The following ZNF462 variants were observed in gnomAD, a reference collection of about 807,000 sequenced individuals.
ZNF462 encodes the protein zinc finger PBX1-interacting protein.
In ZNF462, 10 loss-of-function variants were observed where a neutral mutation model predicts 201.9. The observed-to-expected ratio is 0.05, with a 90% CI of 0.03 to 0.08. The LOEUF (loss-of-function observed/expected upper bound fraction) is 0.08, where lower values mean the gene tolerates loss of function less well. ZNF462 is among the 10% of genes least tolerant of loss of function. ZNF462 has a pLI of 1.00. For missense variants in ZNF462, 2,523 were observed against 3,168.3 expected, an observed-to-expected ratio of 0.80 and a Z score of 4.89; for synonymous variants, 1,227 against 1,193.3, an observed-to-expected ratio of 1.03 and a Z score of -0.58.
intron 7 of ZNF462, among the ~76,000 whole-genome samples, chr9:106,951,996 TA>T (rs919904309): frequency 6.6e-6 from 1 of 152,094 alleles, no homozygotes; most frequent in African/African-American, 2.4e-5. Flanking sequence ...TAGTGAACAT[TA>T]GGGGCAAATG....
At chr9:107,001,007 C>G (rs1206010551) in intron 10 of ZNF462, among the ~76,000 whole-genome samples, 1 of 152,090 alleles carries the variant, frequency 6.6e-6, no homozygotes, top group East Asian at 1.9e-4. Context: ...GAGGATTCTT[C>G]TTTGGTCTCC....
chr9:106,901,192 G>A (rs1829050334), intron 1 of ZNF462, among the ~76,000 whole-genome samples: 1 of 152,064 alleles, frequency 6.6e-6, no homozygotes, highest in African/African-American at 2.4e-5. Context: ...CCCACTTTAT[G>A]TTTTTGTTTG....
chr9:106,909,913 ATTTTGTTTTGCTTTG>A (rs1829471143), intron 1 of ZNF462, among the ~76,000 whole-genome samples: 1 of 152,084 alleles, frequency 6.6e-6, no homozygotes, highest in Non-Finnish European at 1.5e-5. Context: ...ATTTAAGCAT[ATTTTGTTTTGCTTTG>A]TTTTGTTTTG....
At chr9:106,862,540 T>G (rs1827102001), upstream of ZNF462, among the ~76,000 whole-genome samples, 1 of 146,646 alleles carries the variant, frequency 6.8e-6, no homozygotes, top group Non-Finnish European at 1.5e-5. The surrounding 1 kb of genome is among the most constrained non-coding windows in gnomAD (Gnocchi z 4.2). Context: ...CTCCTTCTCC[T>G]TTGCCTCCTT....
chr9:106,879,648 A>G (rs1011949950), intron 1 of ZNF462, among the ~76,000 whole-genome samples: 4 of 152,092 alleles, frequency 2.6e-5, no homozygotes, highest in African/African-American at 9.7e-5. Flanking sequence ...AAAGCCTGCA[A>G]TCATCTCGGA....
intron 1 of ZNF462, among the ~76,000 whole-genome samples, chr9:106,873,270 C>T (rs944659088): frequency 6.6e-6 from 1 of 152,012 alleles, no homozygotes; most frequent in African/African-American, 2.4e-5. Flanking sequence ...TTAAGAGCGC[C>T]CTTTTCTGAA....
rs1371615946 is a variant in ZNF462 at position 106,933,382 on chromosome 9, C to T, written c.6116+833C>T. On this transcript the variant is annotated intron_variant, in intron 5 of 12. Coordinates refer to ENST00000277225, the MANE Select transcript of ZNF462 (RefSeq NM_021224.6). This position sits in a 1 kb window ranked among gnomAD's most constrained non-coding sequence, Gnocchi z 4.3. The stretch of plus-strand genomic sequence containing the variant: ...CAGAGGTTAGGATGGGTTGTAAACA[C>T]TTTATTATTATACAGAGCCTAATAT... Among the ~76,000 whole-genome samples, 1 of 152,090 alleles carries T rather than the reference C, an allele frequency of 6.6e-6. No homozygotes were observed. The highest frequency in any genetic ancestry group is 1.9e-4 in the East Asian group (1 of 5,196).
intron 1 of ZNF462, among the ~76,000 whole-genome samples, chr9:106,877,258 T>C (rs1198548855): frequency 7.3e-5 from 11 of 150,578 alleles, no homozygotes; most frequent in Admixed American, 7.3e-4. Flanking sequence ...GGTAAAACCA[T>C]ATAGTGATTT....
In ZNF462 at chr9:106,928,117, T is replaced by C. The variant is rs188262855; in HGVS notation, c.4205T>C (p.Val1402Ala). 2.0e-5 allele frequency: 32 copies of C among 1,614,178 alleles called. No individual in the cohort carries two copies. In the Admixed American group the frequency reaches 5.2e-4, roughly 26 times the overall value. The change falls in exon 3 of 13, where the codon GTG (valine) becomes GCG (alanine). Residue 1402 changes from valine (V) to alanine (A), a missense_variant. By Grantham distance (64) the Val-to-Ala change is moderately conservative (BLOSUM62 0). Transcript: ENST00000277225. This position sits in a 1 kb window ranked among gnomAD's most constrained non-coding sequence, Gnocchi z 9.3. ...TGGGCCATGAATGGTGATGAGTCAGTGCTACTGGACATCATCAAGGAGAAA... is the reference window on the plus strand; with the variant it reads ...TGGGCCATGAATGGTGATGAGTCAGCGCTACTGGACATCATCAAGGAGAAA... ...HPWAMNGDES[V>A]LLDIIKEKDA...
At chr9:106,942,883 C>G (rs1365082959) in intron 7 of ZNF462, among the ~76,000 whole-genome samples, 1 of 152,130 alleles carries the variant, frequency 6.6e-6, no homozygotes, top group Admixed American at 6.5e-5. Context: ...TTTCCTCCCT[C>G]TAGTTTCTCC....
rs537817497 is a variant in ZNF462, at chr9:106,935,989, A to G, written c.6235+368A>G. Among the ~76,000 whole-genome samples the G allele has an allele frequency of 8.3e-4, 126 of 152,346 alleles. No homozygotes were observed. The highest frequency in any genetic ancestry group is 2.9e-3 in the African/African-American group (121 of 41,572). On this transcript the variant is annotated intron_variant, in intron 6 of 12. Transcript: ENST00000277225. This position sits in a 1 kb window ranked among gnomAD's most constrained non-coding sequence, Gnocchi z 4.1. ...ATTAAAAAGACTTTCCAGCTAAAAT[A>G]AAGTTACCAACTTAAGGAAGTTAGA...
chr9:107,008,492 A>G lies in ZNF462; in HGVS notation c.7190-1053A>G, dbSNP rs1829717291. Among the ~76,000 whole-genome samples, 1 of 152,156 alleles carries G rather than the reference A, an allele frequency of 6.6e-6. No homozygotes were observed. The highest frequency in any genetic ancestry group is 1.5e-5 in the Non-Finnish European group (1 of 68,040). On this transcript the variant is annotated intron_variant, in intron 11 of 12. Coordinates refer to ENST00000277225, the MANE Select transcript of ZNF462 (RefSeq NM_021224.6). The surrounding 1 kb of genome is among the most constrained non-coding windows in gnomAD (Gnocchi z 4.8). ...CTGTAATGTCTTGTATGTGTGGACC[A>G]GAGTGATCAGAGTGTAAAGATGATC...
At chr9:106,861,252 G>A (rs938630558), upstream of ZNF462, among the ~76,000 whole-genome samples, 9 of 152,024 alleles carry the variant, frequency 5.9e-5, no homozygotes, top group Non-Finnish European at 1.2e-4. Flanking sequence ...GAAAATCTTG[G>A]AAAATGAGGA....
At chr9:106,918,067 G>A (rs1434059375) in intron 1 of ZNF462, among the ~76,000 whole-genome samples, 1 of 151,814 alleles carries the variant, frequency 6.6e-6, no homozygotes, top group Non-Finnish European at 1.5e-5. Context: ...AGTAGAAACA[G>A]GGTTTCACCA....
Position 106,981,754 on chromosome 9 carries a change from A to G in ZNF462, c.6833-2432A>G, listed in dbSNP as rs1252498290. On this transcript the variant is annotated intron_variant, in intron 9 of 12. Coordinates refer to ENST00000277225, the MANE Select transcript of ZNF462 (RefSeq NM_021224.6). The surrounding 1 kb of genome is among the most constrained non-coding windows in gnomAD (Gnocchi z 4.0). ...AGAGGAATTGAAAAGGAGGCTCATA[A>G]AAAAGTTTGAAAGAACTGATTATTA... Among the ~76,000 whole-genome samples the G allele has an allele frequency of 6.6e-6, 1 of 152,212 alleles. No homozygotes were observed. The highest frequency in any genetic ancestry group is 2.4e-5 in the African/African-American group (1 of 41,450).
intron 7 of ZNF462, among the ~76,000 whole-genome samples, chr9:106,959,668 G>A (rs1421962287): frequency 6.6e-6 from 1 of 152,090 alleles, no homozygotes; most frequent in Non-Finnish European, 1.5e-5. Flanking sequence ...CTGTTTTCCA[G>A]TTGTTGCTGG....
Position 106,938,925 on chromosome 9 carries a change from C to A in ZNF462, c.6245C>A (p.Ala2082Asp). The A allele has an allele frequency of 6.2e-7, 1 of 1,608,244 alleles. No individual in the cohort carries two copies. Among genetic ancestry groups the A allele is most frequent in the Non-Finnish European group, 8.5e-7 (1 of 1,177,334 alleles). Residue 2082 changes from alanine (A) to aspartate (D), a missense_variant, in exon 7 of 13, where the codon GCC becomes GAC. Physicochemically the swap from Ala to Asp is moderately radical, Grantham distance 126 (BLOSUM62 -2). Around this residue, in one of 15 missense-constraint regions of ZNF462, gnomAD observed 138 missense variants for 146.3 expected, o/e 0.94. Transcript: ENST00000277225. The surrounding 1 kb of genome is among the most constrained non-coding windows in gnomAD (Gnocchi z 4.4). ...HILKAHAGEH[A>D]YKCSWCSFST... is the part of the protein sequence containing the mutation. ...CACCATCCTCTTCCAGGTGAGCATG[C>A]CTACAAGTGTTCTTGGTGCTCATTC...
intron 1 of ZNF462, among the ~76,000 whole-genome samples, chr9:106,889,569 G>T (rs1828483402): frequency 6.6e-6 from 1 of 152,216 alleles, no homozygotes; most frequent in African/African-American, 2.4e-5. Context: ...TAGTTGAAAA[G>T]AAACAGCCTG....
At chr9:106,878,461 A>C (rs1827934727) in intron 1 of ZNF462, among the ~76,000 whole-genome samples, 1 of 152,186 alleles carries the variant, frequency 6.6e-6, no homozygotes, top group Non-Finnish European at 1.5e-5. Flanking sequence ...GTTTTATAGA[A>C]GCTGTTTATT....
Sources: allele counts gnomAD v4.1 joint callset (sites outside exome capture counted in the v4.1 genomes callset), GRCh38; gene constraint gnomAD v4.1.1; regional missense constraint gnomAD v4.1.1; non-coding constraint Gnocchi (gnomAD v3.1); transcripts MANE v1.5; gene names NCBI Gene and HGNC (gene_info 2026-07-23, HGNC 2026-07-21).